Variants in ANO10 observed in about 807,000 individuals in gnomAD.
ANO10 encodes the protein anoctamin 10, also known as anoctamin-10.
In ANO10, 77 loss-of-function variants were observed where a neutral mutation model predicts 74.7. That is an observed-to-expected ratio of 1.03 (90% CI 0.86 to 1.25). The LOEUF is 1.25. Among genes scored for constraint, ANO10 ranks in the 50% most tolerant of loss-of-function variants. The pLI is 0.00. For synonymous variants in ANO10, 279 were observed against 284.9 expected (o/e 0.98, Z 0.21); for missense variants, 721 against 778.1 (o/e 0.93, Z 0.87).
rs138026462 is a variant in ANO10, at chr3:43,554,391, C to A, written c.1668+887G>T. 2.6e-5 allele frequency among the ~76,000 whole-genome samples: 4 copies of A among 152,058 alleles called. No homozygotes were observed. In the East Asian group the frequency reaches 7.8e-4, roughly 29 times the overall value. On this transcript the variant is annotated intron_variant, in intron 10 of 12. Coordinates refer to ENST00000292246, the MANE Select transcript of ANO10 (RefSeq NM_018075.5). ...TATTTTTAGTAGAGATGGGGTTTCA[C>A]CATGTTGGCCAGGCTGGTCTCGAAC...
At chr3:43,439,417 T>C (rs2093125212) in intron 11 of ANO10, among the ~76,000 whole-genome samples, 1 of 149,654 alleles carries the variant, frequency 6.7e-6, no homozygotes, top group Non-Finnish European at 1.5e-5. Context: ...TCAAGGACAC[T>C]AGATAGCAAC....
chr3:43,407,063 C>T (rs1226646366), intron 12 of ANO10, among the ~76,000 whole-genome samples: 1 of 152,008 alleles, frequency 6.6e-6, no homozygotes, highest in African/African-American at 2.4e-5. Flanking sequence ...GCCACCACAC[C>T]CGGCTAATTT....
chr3:43,411,158 G>A (rs2092659291), intron 12 of ANO10, among the ~76,000 whole-genome samples: 2 of 152,092 alleles, frequency 1.3e-5, no homozygotes, highest in Admixed American at 1.3e-4. Flanking sequence ...TAAATGTAGT[G>A]ACACTGTGAG....
chr3:43,686,228 A>C (rs759376589), intron 1 of ANO10, among the ~76,000 whole-genome samples: 11 of 152,118 alleles, frequency 7.2e-5, no homozygotes, highest in Non-Finnish European at 1.5e-4. Context: ...CACACCTTAA[A>C]AACAACTTGG....
intron 11 of ANO10, among the ~76,000 whole-genome samples, chr3:43,443,582 T>C (rs1253459326): frequency 6.6e-6 from 1 of 150,598 alleles, no homozygotes; most frequent in Non-Finnish European, 1.5e-5. Context: ...AAAAGAAGTA[T>C]ACAGGGAAAA....
chr3:43,553,738 C>T (rs765734683), intron 10 of ANO10, among the ~76,000 whole-genome samples: 43 of 151,798 alleles, frequency 2.8e-4, no homozygotes, highest in Non-Finnish European at 5.4e-4. Context: ...GGTTTCACCA[C>T]GTTGGCCAGG....
At chr3:43,416,455 T>C (rs2092740544) in intron 12 of ANO10, among the ~76,000 whole-genome samples, 1 of 152,160 alleles carries the variant, frequency 6.6e-6, no homozygotes, top group Non-Finnish European at 1.5e-5. Context: ...CTCAAAAATT[T>C]ATGGGGGAAA....
chr3:43,439,748 G>A (rs964407112), intron 11 of ANO10, among the ~76,000 whole-genome samples: 1 of 152,036 alleles, frequency 6.6e-6, no homozygotes, highest in Admixed American at 6.6e-5. Context: ...AGGCATGGTG[G>A]CCCATGCCTA....
chr3:43,414,908 A>C (rs6784075), intron 12 of ANO10, among the ~76,000 whole-genome samples: 8 of 150,736 alleles, frequency 5.3e-5, no homozygotes, highest in Non-Finnish European at 7.4e-5. Context: ...CACAGACTTA[A>C]AGTCAATGAC....
chr3:43,477,557 C>T (rs902536064), intron 11 of ANO10, among the ~76,000 whole-genome samples: 2 of 152,142 alleles, frequency 1.3e-5, no homozygotes, highest in Non-Finnish European at 2.9e-5. Flanking sequence ...GCAAATCAAA[C>T]GGAACAATCT....
At chr3:43,544,197 T>C (rs910337582) in intron 11 of ANO10, among the ~76,000 whole-genome samples, 3 of 152,176 alleles carry the variant, frequency 2.0e-5, no homozygotes, top group African/African-American at 7.2e-5. Context: ...TATTTGAATA[T>C]TGATTTAATC....
chr3:43,549,663 T>TG, intron 11 of ANO10, 57 bp downstream of exon 11: 1 of 1,600,410 alleles, frequency 6.2e-7, no homozygotes, highest in South Asian at 1.1e-5. Flanking sequence ...AGCACTGCTT[T>TG]GGAATAGAGA....
chr3:43,461,781 C>T (rs2075389185), intron 11 of ANO10, among the ~76,000 whole-genome samples: 1 of 152,088 alleles, frequency 6.6e-6, no homozygotes, highest in Non-Finnish European at 1.5e-5. Flanking sequence ...TTATCAACAG[C>T]ATGAAAATGG....
chr3:43,536,828 A>G (rs1231842207), intron 11 of ANO10, among the ~76,000 whole-genome samples: 1 of 152,136 alleles, frequency 6.6e-6, no homozygotes, highest in African/African-American at 2.4e-5. Context: ...CTAAGCCACA[A>G]AAGATTTTCT....
chr3:43,536,406 C>G (rs940012449), intron 11 of ANO10, among the ~76,000 whole-genome samples: 4 of 152,142 alleles, frequency 2.6e-5, no homozygotes, highest in Non-Finnish European at 5.9e-5. Flanking sequence ...TAGCATATTA[C>G]TTTCTACATA....
chr3:43,385,454 T>G (rs1349508937), intron 12 of ANO10, among the ~76,000 whole-genome samples: 2 of 152,136 alleles, frequency 1.3e-5, no homozygotes, highest in African/African-American at 4.8e-5. Context: ...AAGATACTTG[T>G]AAATGCATGT....
intron 11 of ANO10, among the ~76,000 whole-genome samples, chr3:43,446,116 C>A (rs1215579496): frequency 6.6e-6 from 1 of 152,146 alleles, no homozygotes; most frequent in Non-Finnish European, 1.5e-5. Context: ...GTGACCTCCA[C>A]TGTCATCAGC....
chr3:43,403,579 G>A (rs560884689), intron 12 of ANO10, among the ~76,000 whole-genome samples: 131 of 152,358 alleles, frequency 8.6e-4, no homozygotes, highest in African/African-American at 3.1e-3. Flanking sequence ...GGGGAAAGCT[G>A]TGGAGCTGAT....
At chr3:43,525,795 G>GT (rs2078171695) in intron 11 of ANO10, among the ~76,000 whole-genome samples, 1 of 152,122 alleles carries the variant, frequency 6.6e-6, no homozygotes, top group East Asian at 1.9e-4. Context: ...TCCATTGTGA[G>GT]TTTTCCTCCT....
Sources: gnomAD v4.1 joint callset for allele counts (sites outside exome capture counted in the v4.1 genomes callset) on GRCh38, gnomAD v4.1.1 for gene constraint, MANE v1.5 for transcripts, NCBI Gene and HGNC (gene_info 2026-07-23, HGNC 2026-07-21) for gene names.